Variants in SIPA1L2 observed in about 807,000 individuals in gnomAD.
The protein encoded by SIPA1L2 is signal-induced proliferation-associated 1-like protein 2.
In SIPA1L2, 56 loss-of-function variants were observed where a neutral mutation model predicts 163.9. That is an observed-to-expected ratio of 0.34 (90% CI 0.28 to 0.43). The LOEUF is 0.43. Among genes scored for constraint, SIPA1L2 ranks in the 20% least tolerant of loss-of-function variants. The pLI, the probability that SIPA1L2 is intolerant of heterozygous loss-of-function variation, is 1.00. For missense variants in SIPA1L2, 1,974 were observed against 2,193.5 expected (o/e 0.90, Z 2.00); for synonymous variants, 877 against 865.7 (o/e 1.01, Z -0.23).
chr1:232,475,494 T>C (rs984838021), intron 7 of SIPA1L2, among the ~76,000 whole-genome samples: 1 of 152,196 alleles, frequency 6.6e-6, no homozygotes, highest in Non-Finnish European at 1.5e-5. Flanking sequence ...CGTATAGAGT[T>C]TCCTACGGAA....
In SIPA1L2 at chr1:232,415,592, T is replaced by C; in HGVS notation, c.4664A>G (p.Asp1555Gly). The C allele has an allele frequency of 1.2e-6, 2 of 1,613,934 alleles. No individual in the cohort carries two copies. The highest frequency in any genetic ancestry group is 1.7e-5 in the Admixed American group (1 of 59,986). ...GCCAGGATCTGCGCACTTGGACTTATCTGATAAGGACCCATCGGAGAACCA... is the reference window on the plus strand; with the variant it reads ...GCCAGGATCTGCGCACTTGGACTTACCTGATAAGGACCCATCGGAGAACCA... ...EFWFSDGSLS[D>G]KSKCADPGLM... Residue 1555 changes from aspartate (D) to glycine (G), a missense_variant, in exon 19 of 23, where the codon GAT (aspartate) becomes GGT (glycine). Transcript: ENST00000674635.
chr1:232,465,826 TATAAG>T lies in SIPA1L2; in HGVS notation c.2244-415_2244-411del, dbSNP rs545353905. The stretch of plus-strand genomic sequence containing the variant: ...CCCTAATCCAACTGACTGGTGTCCT[TATAAG>T]AGGAGAAAATTTGGGCTTACAAAGA... On this transcript the variant is annotated intron_variant, in intron 8 of 22. Transcript: ENST00000674635. This position sits in a 1 kb window ranked among gnomAD's most constrained non-coding sequence, Gnocchi z 4.1. Among the ~76,000 whole-genome samples, 159 of 151,512 alleles carry T rather than the reference TATAAG, an allele frequency of 1.0e-3. No individual in the cohort carries two copies. The highest frequency in any genetic ancestry group is 3.6e-3 in the African/African-American group (147 of 41,318).
chr1:232,620,784 G>C (rs1436739037), intron 1 of SIPA1L2, among the ~76,000 whole-genome samples: 1 of 152,224 alleles, frequency 6.6e-6, no homozygotes, highest in African/African-American at 2.4e-5. Flanking sequence ...AACAGAGCCA[G>C]CTAAGCATTT....
In SIPA1L2 at chr1:232,514,084, T is replaced by A; in HGVS notation, c.1256A>T (p.Glu419Val). 6.2e-7 allele frequency: 1 copy of A among 1,614,168 alleles called. No individual in the cohort carries two copies. Among genetic ancestry groups the A allele is most frequent in the Non-Finnish European group, 8.5e-7 (1 of 1,180,020 alleles). Reference protein sequence around the residue: ...CPYFRNETGGEGDRRIALSRA... With the variant: ...CPYFRNETGGVGDRRIALSRA... ...AGAGAGCGCAATCCGCCTGTCGCCT[T>A]CCCCTCCAGTCTCATTTCTAAAGTA... The change falls in exon 3 of 23, where the codon GAA becomes GTA. Residue 419 changes from glutamate to valine, a missense_variant. Coordinates refer to ENST00000674635, the MANE Select transcript of SIPA1L2 (RefSeq NM_020808.5).
At chr1:232,533,338 G>A (rs138026007) in intron 2 of SIPA1L2, among the ~76,000 whole-genome samples, 28 of 152,228 alleles carry the variant, frequency 1.8e-4, no homozygotes, top group Admixed American at 1.7e-3. Flanking sequence ...TAATGATTGA[G>A]TTACCTTTTA....
chr1:232,514,955 G>A lies in SIPA1L2; in HGVS notation c.385C>T (p.Gln129Ter), dbSNP rs1042741352. Residue 129 changes from glutamine (Q) to a stop codon, truncating the protein, a stop_gained, in exon 3 of 23, where the codon CAG becomes TAG. Transcript: ENST00000674635. LOFTEE classifies it high-confidence loss of function. Reference sequence around the variant, plus strand: ...GCCTCCACGAAGTCCAGATCGAGCTGTTCATCTTGCTGACCTTCACTCTGG... The same window carrying A: ...GCCTCCACGAAGTCCAGATCGAGCTATTCATCTTGCTGACCTTCACTCTGG... ...SDQSEGQQDEQLDLDFVEAKY... is the reference protein window; with the variant it reads ...SDQSEGQQDE 1.2e-6 allele frequency: 2 copies of A among 1,614,044 alleles called. No homozygotes were observed. The highest frequency in any genetic ancestry group is 1.7e-6 in the Non-Finnish European group (2 of 1,180,044).
intron 2 of SIPA1L2, among the ~76,000 whole-genome samples, chr1:232,571,928 T>A (rs1659751513): frequency 6.6e-6 from 1 of 152,180 alleles, no homozygotes. Context: ...CTTTGTAAAT[T>A]ATCCAGCCTC....
intron 7 of SIPA1L2, among the ~76,000 whole-genome samples, chr1:232,471,916 C>T (rs1227147835): frequency 3.3e-5 from 5 of 152,212 alleles, no homozygotes; most frequent in Non-Finnish European, 5.9e-5. Flanking sequence ...AAGTCCTACA[C>T]TATCACACCG....
chr1:232,564,246 G>T (rs1163452995), intron 2 of SIPA1L2, among the ~76,000 whole-genome samples: 2 of 31,016 alleles, frequency 6.4e-5, no homozygotes, highest in African/African-American at 1.5e-4. Flanking sequence ...GTGTGTGTGT[G>T]TGTGTGTGTG....
At chr1:232,404,019 C>A (rs1339468651) in intron 20 of SIPA1L2, 106 bp downstream of exon 20, 4 of 1,307,298 alleles carry the variant, frequency 3.1e-6, no homozygotes, top group African/African-American at 2.9e-5. Flanking sequence ...CCGCTGTGCA[C>A]CCCCAACCCT....
At chr1:232,530,981 T>C (rs927517944) in intron 2 of SIPA1L2, among the ~76,000 whole-genome samples, 10 of 152,232 alleles carry the variant, frequency 6.6e-5, no homozygotes, top group Non-Finnish European at 1.3e-4. Flanking sequence ...ATCATTTATA[T>C]GAGTCCAAAA....
chr1:232,512,897 G>A (rs542760622), intron 3 of SIPA1L2, among the ~76,000 whole-genome samples: 1 of 152,308 alleles, frequency 6.6e-6, no homozygotes, highest in Admixed American at 6.5e-5. Flanking sequence ...GAGGAGGAGA[G>A]TAGCGGGGCC....
chr1:232,532,377 C>T (rs577245563), intron 2 of SIPA1L2, among the ~76,000 whole-genome samples: 1 of 152,248 alleles, frequency 6.6e-6, no homozygotes, highest in Non-Finnish European at 1.5e-5. Flanking sequence ...TTAAATAGAT[C>T]ACATGTGCAA....
At chr1:232,431,085 A>G (rs1662209038) in intron 16 of SIPA1L2, among the ~76,000 whole-genome samples, 1 of 152,152 alleles carries the variant, frequency 6.6e-6, no homozygotes, top group Non-Finnish European at 1.5e-5. Flanking sequence ...CACTTCCCTG[A>G]CTTTCCAAAA....
intron 6 of SIPA1L2, among the ~76,000 whole-genome samples, chr1:232,480,097 T>A (rs1049129122): frequency 1.3e-5 from 2 of 151,972 alleles, no homozygotes; most frequent in Non-Finnish European, 1.5e-5. Context: ...TGGGTGCAAT[T>A]ATCTGAAGGG....
Position 232,460,910 on chromosome 1 carries a change from G to A in SIPA1L2, c.3072C>T (p.Pro1024=). ...ACCTTCGGGGCGAGCCGTCATCATG[G>A]GGCTGGATGATGACCACCTTCACAG... ...SVTVKVVIIQ[P]HDDGSPRRGC... is the part of the protein sequence containing the mutation. The change falls in exon 10 of 23, where the codon CCC becomes CCT. Residue 1024 remains proline, a synonymous_variant. Transcript: ENST00000674635. 6.2e-7 allele frequency: 1 copy of A among 1,614,072 alleles called. No individual in the cohort carries two copies. The highest frequency in any genetic ancestry group is 8.5e-7 in the Non-Finnish European group (1 of 1,179,920).
At chr1:232,499,732 AAAG>A (rs1261866977) in intron 3 of SIPA1L2, among the ~76,000 whole-genome samples, 1 of 152,236 alleles carries the variant, frequency 6.6e-6, no homozygotes, top group Non-Finnish European at 1.5e-5. Flanking sequence ...CCTTCTAATA[AAAG>A]AAGATGCCAT....
chr1:232,442,228 C>T (rs1425666521), intron 12 of SIPA1L2, among the ~76,000 whole-genome samples: 1 of 151,040 alleles, frequency 6.6e-6, no homozygotes, highest in Non-Finnish European at 1.5e-5. Context: ...ATGGCACTGA[C>T]ATCTCTTTAT....
rs1217644350 is a variant in SIPA1L2, at chr1:232,425,817, T to C, written c.4411-9A>G. 9.9e-6 allele frequency: 16 copies of C among 1,611,736 alleles called. No homozygotes were observed. Among genetic ancestry groups the C allele is most frequent in the Non-Finnish European group, 1.2e-5 (14 of 1,178,492 alleles). ...TTCCCATAGAACGAAAACTAGGGTT[T>C]AAACAAGGTGCGAGGAGGGAACAGA... On this transcript the variant is annotated splice_polypyrimidine_tract_variant and intron_variant, in intron 17 of 22. Transcript: ENST00000674635.
Sources: allele counts gnomAD v4.1 joint callset (sites outside exome capture counted in the v4.1 genomes callset), GRCh38; gene constraint gnomAD v4.1.1; non-coding constraint Gnocchi (gnomAD v3.1); transcripts MANE v1.5; gene names NCBI Gene and HGNC (gene_info 2026-07-23, HGNC 2026-07-21).